Variants in PCDH9 observed in about 807,000 individuals in gnomAD.
PCDH9 encodes protocadherin 9, also known as protocadherin-9.
Under a neutral mutation model 70.6 loss-of-function variants are expected in PCDH9, and 24 were observed. That is an observed-to-expected ratio of 0.34 (90% confidence interval 0.25 to 0.48). The LOEUF (loss-of-function observed/expected upper bound fraction) is 0.48. PCDH9 is among the 20% of genes least tolerant of loss of function. The pLI is 0.99. For missense variants in PCDH9, 1,281 were observed against 1,503.6 expected, an observed-to-expected ratio of 0.85 and a Z score of 2.45; for synonymous variants, 562 against 558.5, an observed-to-expected ratio of 1.01 and a Z score of -0.09.
chr13:66,985,553 G>C (rs2083874566), intron 2 of PCDH9: 1 of 151,874 alleles, frequency 6.6e-6, no homozygotes, highest in Admixed American at 6.6e-5. Flanking sequence ...TTCAGCTATG[G>C]ACTGTATCAA....
intron 4 of PCDH9, among the ~76,000 whole-genome samples, chr13:66,555,053 C>A (rs962131894): frequency 1.3e-5 from 2 of 152,078 alleles, no homozygotes; most frequent in African/African-American, 2.4e-5. Flanking sequence ...CCTGTAATCC[C>A]AGCTACTTGG....
At chr13:66,693,554 T>C (rs1386308615) in intron 3 of PCDH9, among the ~76,000 whole-genome samples, 3 of 152,118 alleles carry the variant, frequency 2.0e-5, no homozygotes, top group Non-Finnish European at 4.4e-5. Flanking sequence ...TGCCAGGATG[T>C]TTGCTGAGAG....
chr13:66,846,884 TAC>T lies in PCDH9; in HGVS notation c.3138+56618_3138+56619del, dbSNP rs34392674. ...ATCAATCTCTCTCCCTTTCTCATAA[TAC>T]ACACACACACACACACACACACAAA... On this transcript the variant is annotated intron_variant, in intron 3 of 4. Coordinates refer to ENST00000377865, the MANE Select transcript of PCDH9 (RefSeq NM_203487.3). Among the ~76,000 whole-genome samples, 30 of 149,574 alleles carry T rather than the reference TAC, an allele frequency of 2.0e-4. No individual in the cohort carries two copies. In the East Asian group the frequency reaches 2.2e-3, roughly 11 times the overall value.
At chr13:66,435,125 C>T (rs780453752) in intron 4 of PCDH9, among the ~76,000 whole-genome samples, 30 of 152,086 alleles carry the variant, frequency 2.0e-4, no homozygotes, top group Middle Eastern at 3.4e-3. Context: ...AAACTGTAAC[C>T]CATGATATGG....
At chr13:67,037,392 T>C (rs1191054780) in intron 2 of PCDH9, among the ~76,000 whole-genome samples, 3 of 152,188 alleles carry the variant, frequency 2.0e-5, no homozygotes, top group Non-Finnish European at 4.4e-5. Flanking sequence ...CTTTACTGTA[T>C]GCATTCTATA....
At chr13:66,736,169 G>A (rs1349721761) in intron 3 of PCDH9, among the ~76,000 whole-genome samples, 1 of 151,786 alleles carries the variant, frequency 6.6e-6, no homozygotes, top group African/African-American at 2.4e-5. Flanking sequence ...CTGAACTTTG[G>A]TCTTAGTTAT....
At chr13:66,881,595 T>C (rs2081982504) in intron 3 of PCDH9, among the ~76,000 whole-genome samples, 2 of 152,166 alleles carry the variant, frequency 1.3e-5, no homozygotes, top group Admixed American at 1.3e-4. Flanking sequence ...ATAAGGGATA[T>C]ATAATAATAT....
chr13:66,940,409 C>A (rs1207878330), intron 2 of PCDH9, among the ~76,000 whole-genome samples: 1 of 151,892 alleles, frequency 6.6e-6, no homozygotes, highest in African/African-American at 2.4e-5. Context: ...TTCAGAGAAC[C>A]AGTAAGCGTT....
intron 3 of PCDH9, among the ~76,000 whole-genome samples, chr13:66,849,031 TTTAAG>T (rs138850683): frequency 0.03 from 4,607 of 152,160 alleles, 233 homozygotes; most frequent in African/African-American, 0.1. Flanking sequence ...TGTGATCTCC[TTTAAG>T]TTAACAGTTC....
chr13:66,693,859 G>A (rs932894942), intron 3 of PCDH9, among the ~76,000 whole-genome samples: 6 of 152,182 alleles, frequency 3.9e-5, no homozygotes, highest in Admixed American at 1.3e-4. Flanking sequence ...CATGCCAAAT[G>A]GCAGTGTTCC....
At chr13:67,027,243 C>A (rs1291926221) in intron 2 of PCDH9, among the ~76,000 whole-genome samples, 1 of 151,984 alleles carries the variant, frequency 6.6e-6, no homozygotes, top group Non-Finnish European at 1.5e-5. Context: ...CAGAACAGAG[C>A]CCTCAGAAAT....
At chr13:66,636,620 T>C (rs1037896187) in intron 3 of PCDH9, among the ~76,000 whole-genome samples, 3 of 152,162 alleles carry the variant, frequency 2.0e-5, no homozygotes, top group African/African-American at 7.2e-5. Context: ...TATGATTTTA[T>C]GTATAGAGAA....
chr13:66,630,041 A>G (rs1271056587), intron 4 of PCDH9, among the ~76,000 whole-genome samples: 2 of 152,192 alleles, frequency 1.3e-5, no homozygotes, highest in Admixed American at 6.5e-5. Context: ...TGAAACAATA[A>G]GAAGCAAAAT....
At chr13:67,106,808 C>A (rs2138256228) in intron 2 of PCDH9, among the ~76,000 whole-genome samples, 1 of 152,328 alleles carries the variant, frequency 6.6e-6, no homozygotes, top group South Asian at 2.1e-4. Context: ...CTCCCTGCCC[C>A]TGGCCACCTC....
At chr13:66,376,209 C>A (rs1956743875) in intron 4 of PCDH9, among the ~76,000 whole-genome samples, 1 of 152,034 alleles carries the variant, frequency 6.6e-6, no homozygotes, top group Admixed American at 6.6e-5. Context: ...TAAACTGTCA[C>A]CTTTGCCTTT....
At chr13:66,585,066 T>A (rs2076944418) in intron 4 of PCDH9, among the ~76,000 whole-genome samples, 1 of 151,900 alleles carries the variant, frequency 6.6e-6, no homozygotes. Context: ...TTTGAGGGAC[T>A]GAGGTATGGG....
intron 4 of PCDH9, among the ~76,000 whole-genome samples, chr13:66,561,087 G>A (rs889232762): frequency 3.3e-5 from 5 of 152,230 alleles, no homozygotes; most frequent in Non-Finnish European, 7.3e-5. Context: ...GCGGGAACCC[G>A]GGCTGCGCGT....
rs1267662838 is a variant in PCDH9 at position 66,304,976 on chromosome 13, T to C, written c.3393A>G (p.Gln1131=). Residue 1131 remains glutamine (Q), a synonymous_variant, in exon 5 of 5, where the codon CAA becomes CAG. Coordinates refer to ENST00000377865, the MANE Select transcript of PCDH9 (RefSeq NM_203487.3). ...CAGAGTGACCCAAAACCAAGCACTC[T>C]TGAGTGCACATCTCTGTAGCTTCAG... ...GLAEATEMCT[Q]ECLVLGHSDN... is the part of the protein sequence containing the mutation. The C allele has an allele frequency of 6.2e-7, 1 of 1,613,098 alleles. No homozygotes were observed. The highest frequency in any genetic ancestry group is 1.3e-5 in the African/African-American group (1 of 74,846).
chr13:66,979,710 C>G (rs560241583), intron 2 of PCDH9, among the ~76,000 whole-genome samples: 223 of 152,236 alleles, frequency 1.5e-3, no homozygotes, highest in African/African-American at 5.3e-3. Context: ...ATATCCCCCC[C>G]TTACAACTCC....
Sources: allele counts gnomAD v4.1 joint callset (sites outside exome capture counted in the v4.1 genomes callset), GRCh38; gene constraint gnomAD v4.1.1; transcripts MANE v1.5; gene names NCBI Gene and HGNC (gene_info 2026-07-23, HGNC 2026-07-21).